CEP112: variants seen among roughly 807,000 people sequenced by gnomAD.
CEP112 encodes the protein centrosomal protein 112.
CEP112 carries 127 observed loss-of-function variants against 153.0 expected under a neutral mutation model. The observed-to-expected ratio is 0.83, with a 90% CI of 0.72 to 0.96. CEP112 has a LOEUF of 0.96. Among genes scored for constraint, CEP112 ranks in the 40% least tolerant of loss-of-function variants. The pLI is 0.00. For missense variants in CEP112, 1,089 were observed against 1,101.2 expected (o/e 0.99, Z 0.16); for synonymous variants, 358 against 374.4 (o/e 0.96, Z 0.51).
intron 17 of CEP112, among the ~76,000 whole-genome samples, chr17:65,984,460 A>T (rs1462465771): frequency 6.6e-6 from 1 of 152,228 alleles, no homozygotes; most frequent in Non-Finnish European, 1.5e-5. Flanking sequence ...CTAAATATAT[A>T]TGCAGATGAC....
At chr17:65,964,913 G>A (rs1023853756) in intron 17 of CEP112, among the ~76,000 whole-genome samples, 1 of 152,090 alleles carries the variant, frequency 6.6e-6, no homozygotes, top group Non-Finnish European at 1.5e-5. Flanking sequence ...TATTGAACAT[G>A]ATTTGAAAAC....
At chr17:65,655,364 C>T in intron 24 of CEP112, 1 of 1,560,332 alleles carries the variant, frequency 6.4e-7, no homozygotes, top group South Asian at 1.1e-5. Flanking sequence ...CTAAAGAAGA[C>T]TACGAAAGGA....
chr17:65,856,103 T>C (rs2058111831), intron 20 of CEP112, among the ~76,000 whole-genome samples: 1 of 152,102 alleles, frequency 6.6e-6, no homozygotes, highest in African/African-American at 2.4e-5. Context: ...TATATATACT[T>C]AATATACTGA....
At chr17:65,695,744 T>C (rs1476591472) in intron 23 of CEP112, among the ~76,000 whole-genome samples, 2 of 152,202 alleles carry the variant, frequency 1.3e-5, no homozygotes, top group Non-Finnish European at 2.9e-5. Context: ...CTTTCAGATG[T>C]AGTACTGTAG....
At chr17:65,889,905 T>C (rs1435004711) in intron 20 of CEP112, among the ~76,000 whole-genome samples, 1 of 152,116 alleles carries the variant, frequency 6.6e-6, no homozygotes, top group South Asian at 2.1e-4. Flanking sequence ...TCTCACTGCC[T>C]GCTAATTCTT....
intron 20 of CEP112, among the ~76,000 whole-genome samples, chr17:65,875,090 G>A (rs2058779412): frequency 6.6e-6 from 1 of 151,898 alleles, no homozygotes. Context: ...TTTACAGAAG[G>A]CAAGATAGCT....
chr17:66,157,973 G>C (rs768673706), intron 4 of CEP112, among the ~76,000 whole-genome samples: 2 of 152,128 alleles, frequency 1.3e-5, no homozygotes, highest in South Asian at 2.1e-4. Context: ...ATATCAGCCA[G>C]ATCAACAAGA....
chr17:65,891,889 GAT>G lies in CEP112; in HGVS notation c.2163+10261_2163+10262del, dbSNP rs558771356. Among the ~76,000 whole-genome samples the G allele has an allele frequency of 2.7e-4, 41 of 152,264 alleles. 1 individual carries two copies. In the South Asian group the frequency reaches 8.5e-3, roughly 32 times the overall value. On this transcript the variant is annotated intron_variant, in intron 20 of 26. Transcript: ENST00000535342. Reference sequence around the variant, plus strand: ...TTCTTATCAATCAGATCTTAAATGAGATATCTTTTCTTTGGAGAGGCGTTCTC... The same window carrying G: ...TTCTTATCAATCAGATCTTAAATGAGATCTTTTCTTTGGAGAGGCGTTCTC...
chr17:65,884,543 C>T (rs561941591), intron 20 of CEP112, among the ~76,000 whole-genome samples: 1 of 151,936 alleles, frequency 6.6e-6, no homozygotes, highest in East Asian at 1.9e-4. Flanking sequence ...TTCAGGTTTT[C>T]TTCTAAAGAG....
intron 9 of CEP112, among the ~76,000 whole-genome samples, chr17:66,069,471 C>G (rs2067234494): frequency 6.6e-6 from 1 of 151,944 alleles, no homozygotes; most frequent in Admixed American, 6.6e-5. Context: ...ATTGTCAGTG[C>G]CAGCACTAAA....
At chr17:65,978,950 A>C (rs2063129900) in intron 17 of CEP112, among the ~76,000 whole-genome samples, 1 of 152,162 alleles carries the variant, frequency 6.6e-6, no homozygotes, top group South Asian at 2.1e-4. Flanking sequence ...ACAGAATGAA[A>C]ATTTCCCTCT....
At chr17:66,069,149 C>A (rs1224273905) in intron 9 of CEP112, among the ~76,000 whole-genome samples, 1 of 151,990 alleles carries the variant, frequency 6.6e-6, no homozygotes, top group Non-Finnish European at 1.5e-5. Flanking sequence ...GTAACTACTG[C>A]AACTACCTGC....
intron 23 of CEP112, among the ~76,000 whole-genome samples, chr17:65,710,270 G>A (rs2049107697): frequency 6.6e-6 from 1 of 152,226 alleles, no homozygotes; most frequent in Non-Finnish European, 1.5e-5. Context: ...CTGCTATGAA[G>A]CCCAGGCCAA....
At chr17:66,080,040 T>G (rs1240719540) in intron 8 of CEP112, among the ~76,000 whole-genome samples, 2 of 152,086 alleles carry the variant, frequency 1.3e-5, no homozygotes, top group Non-Finnish European at 2.9e-5. Flanking sequence ...ACATAAGATC[T>G]AAAACCATAA....
In CEP112 at chr17:65,868,827, A is replaced by G. The variant is rs542852708; in HGVS notation, c.2164-16793T>C. Among the ~76,000 whole-genome samples, 7 of 152,342 alleles carry G rather than the reference A, an allele frequency of 4.6e-5. No individual in the cohort carries two copies. In the South Asian group the frequency reaches 1.4e-3, roughly 32 times the overall value. On this transcript the variant is annotated intron_variant, in intron 20 of 26. Coordinates refer to ENST00000535342, the MANE Select transcript of CEP112 (RefSeq NM_001199165.4). ...ACAATTATACAATATGCGTTTTAACATTTTTTGGAAATGATTGATTTCAAA... is the reference window on the plus strand; with the variant it reads ...ACAATTATACAATATGCGTTTTAACGTTTTTTGGAAATGATTGATTTCAAA...
At chr17:65,863,266 A>G (rs1487268786) in intron 20 of CEP112, among the ~76,000 whole-genome samples, 1 of 152,186 alleles carries the variant, frequency 6.6e-6, no homozygotes, top group Non-Finnish European at 1.5e-5. Flanking sequence ...CAACTCCCAT[A>G]AGACCTTAAG....
At chr17:66,049,144 C>G (rs2066336569) in intron 12 of CEP112, among the ~76,000 whole-genome samples, 1 of 152,076 alleles carries the variant, frequency 6.6e-6, no homozygotes, top group East Asian at 1.9e-4. Flanking sequence ...GAGATCTCTC[C>G]CTGAGGTTCA....
intron 17 of CEP112, among the ~76,000 whole-genome samples, chr17:65,994,057 T>A (rs1273670330): frequency 6.6e-6 from 1 of 151,346 alleles, no homozygotes; most frequent in Non-Finnish European, 1.5e-5. Context: ...AAAAGGGGTG[T>A]TATATGTCAA....
intron 21 of CEP112, among the ~76,000 whole-genome samples, chr17:65,835,769 C>A (rs1047003262): frequency 1.3e-5 from 2 of 152,148 alleles, no homozygotes; most frequent in African/African-American, 4.8e-5. Flanking sequence ...AACAAGAAAA[C>A]ATCTAAAGAT....
Sources: allele counts gnomAD v4.1 joint callset (sites outside exome capture counted in the v4.1 genomes callset), GRCh38; gene constraint gnomAD v4.1.1; transcripts MANE v1.5; gene names NCBI Gene and HGNC (gene_info 2026-07-23, HGNC 2026-07-21).